AIPL1: variants seen among roughly 807,000 people sequenced by gnomAD.
AIPL1 encodes AIP like 1 HSP90 co-chaperone.
A neutral mutation model predicts 32.9 loss-of-function variants in AIPL1; 23 were observed. The ratio of observed to expected loss-of-function variants is 0.70; its 90% CI spans 0.50 to 0.99. The LOEUF is 0.99. Ranked by LOEUF, AIPL1 falls within the 50% of genes least tolerant of loss-of-function variation. The pLI is 0.00. For synonymous variants in AIPL1, 210 were observed against 209.4 expected (o/e 1.00, Z -0.02); for missense variants, 485 against 506.0 (o/e 0.96, Z 0.40).
chr17:6,426,504 G>T, intron 5 of AIPL1, 111 bp downstream of exon 5: 1 of 1,528,082 alleles, frequency 6.5e-7, no homozygotes, highest in Non-Finnish European at 8.8e-7. Context: ...GTGGAGACAA[G>T]GTTTGGTGCC....
intron 2 of AIPL1, among the ~76,000 whole-genome samples, chr17:6,430,456 CAAAA>C (rs1169701817): frequency 4.5e-5 from 2 of 44,514 alleles, no homozygotes; most frequent in African/African-American, 9.0e-5. Flanking sequence ...AAGTCCGTCT[CAAAA>C]AAAAAAAAAA....
rs116841036 is a variant in AIPL1, at chr17:6,429,166, C to G, written c.277-660G>C. ...CCAGCATGGGAGCTGAGTTTGCCAC[C>G]CTTGGGATGAAGGAGGGCTGGGAAG... On this transcript the variant is annotated intron_variant, in intron 2 of 5. Coordinates refer to ENST00000381129, the MANE Select transcript of AIPL1 (RefSeq NM_014336.5). 6.6e-3 allele frequency among the ~76,000 whole-genome samples: 1,000 copies of G among 152,270 alleles called. 8 individuals are homozygous for G. The highest frequency in any genetic ancestry group is 0.01 in the Non-Finnish European group (693 of 68,022).
At chr17:6,428,237 G>T in intron 3 of AIPL1, 81 bp downstream of exon 3, 1 of 1,500,174 alleles carries the variant, frequency 6.7e-7, no homozygotes, top group Non-Finnish European at 9.1e-7. Context: ...CCAGTGGCCA[G>T]TGGGGTGGGG....
intron 1 of AIPL1, 174 bp downstream of exon 1, chr17:6,434,835 C>A: frequency 8.3e-7 from 1 of 1,210,436 alleles, no homozygotes. Flanking sequence ...CTGCAAAGTA[C>A]CAAAAATGCC....
At chr17:6,427,207 G>A (rs1567637648) in intron 3 of AIPL1, 150 bp from the exon 4 acceptor site, 3 of 824,622 alleles carry the variant, frequency 3.6e-6, no homozygotes, top group East Asian at 5.3e-5. Flanking sequence ...CAACAACGCC[G>A]AAAACCCTGC....
In AIPL1 at chr17:6,428,426, G is replaced by A; in HGVS notation, c.357C>T (p.His119=). ...CGAACATGTTGGCCAGCCCGCACGT[G>A]TGCACGTGCCACTCTGTGGGGTCCT... The part of the protein sequence containing the change: ...QGKDPTEWHV[H]TCGLANMFAY... Residue 119 remains histidine, a synonymous_variant, in exon 3 of 6, where the codon CAC becomes CAT. Coordinates refer to ENST00000381129, the MANE Select transcript of AIPL1 (RefSeq NM_014336.5). The A allele has an allele frequency of 6.2e-7, 1 of 1,613,742 alleles. No homozygotes were observed. Among genetic ancestry groups the A allele is most frequent in the Non-Finnish European group, 8.5e-7 (1 of 1,180,044 alleles).
Position 6,426,956 on chromosome 17 carries a change from G to C in AIPL1, c.567C>G (p.Phe189Leu), listed in dbSNP as rs755976438. Residue 189 changes from phenylalanine (F) to leucine (L), a missense_variant, in exon 4 of 6, where the codon TTC (phenylalanine) becomes TTG (leucine). Transcript: ENST00000381129. ...AGGCCTCCTCGTAGCGGCCCAGCTT[G>C]AAGAGCCGATTTCCCTCTCCGTGGA... ...PVLHGEGNRL[F>L]KLGRYEEASS... 1 of 1,614,222 alleles carries C rather than the reference G, an allele frequency of 6.2e-7. No individual in the cohort carries two copies. The highest frequency in any genetic ancestry group is 1.1e-5 in the South Asian group (1 of 91,084).
chr17:6,426,144 G>A, intron 5 of AIPL1: 1 of 1,309,430 alleles, frequency 7.6e-7, no homozygotes, highest in Non-Finnish European at 9.7e-7. Context: ...TGGTGATTAT[G>A]AGGATTATGA....
chr17:6,426,789 G>C (rs2292545), intron 4 of AIPL1, 33 bp from the exon 5 acceptor site: 1 of 1,612,496 alleles, frequency 6.2e-7, no homozygotes, highest in Non-Finnish European at 8.5e-7. Context: ...ATGACCTCAG[G>C]CAGCTGCCCA....
At position 6,428,457 on chromosome 17, in the gene AIPL1, T is replaced by G; in HGVS notation, c.326A>C (p.Gln109Pro). 6.2e-7 allele frequency: 1 copy of G among 1,614,020 alleles called. No homozygotes were observed. Among genetic ancestry groups the G allele is most frequent in the Admixed American group, 1.7e-5 (1 of 60,026 alleles). Residue 109 changes from glutamine (Q) to proline (P), a missense_variant, in exon 3 of 6, where the codon CAG becomes CCG. Transcript: ENST00000381129. Reference protein sequence around the residue: ...ILSRSLRQMAQGKDPTEWHVH... With the variant: ...ILSRSLRQMAPGKDPTEWHVH... Reference sequence around the variant, plus strand: ...GTGCCACTCTGTGGGGTCCTTGCCCTGGGCCATCTGCCTCAGGCTCCGGGA... The same window carrying G: ...GTGCCACTCTGTGGGGTCCTTGCCCGGGGCCATCTGCCTCAGGCTCCGGGA...
chr17:6,427,201 A>C, intron 3 of AIPL1, 144 bp from the exon 4 acceptor site: 1 of 867,430 alleles, frequency 1.2e-6, no homozygotes, highest in Non-Finnish European at 1.8e-6. Flanking sequence ...AAGAAGCAAC[A>C]ACGCCGAAAA....
intron 2 of AIPL1, among the ~76,000 whole-genome samples, chr17:6,433,503 A>T (rs1413188059): frequency 1.3e-5 from 2 of 151,946 alleles, no homozygotes; most frequent in Non-Finnish European, 1.5e-5. Context: ...AAGTGGGAGG[A>T]TCACCTGAGC....
At chr17:6,427,298 C>T (rs1356679274) in intron 3 of AIPL1, among the ~76,000 whole-genome samples, 1 of 152,228 alleles carries the variant, frequency 6.6e-6, no homozygotes, top group East Asian at 1.9e-4. Context: ...AGAAAATTGT[C>T]ACGAATACTC....
chr17:6,429,646 T>C (rs957065950), intron 2 of AIPL1, among the ~76,000 whole-genome samples: 1 of 152,170 alleles, frequency 6.6e-6, no homozygotes, highest in Admixed American at 6.5e-5. Context: ...CTCACTTATT[T>C]ATGTCCTGGC....
At chr17:6,430,362 A>G (rs1912468351) in intron 2 of AIPL1, among the ~76,000 whole-genome samples, 1 of 149,420 alleles carries the variant, frequency 6.7e-6, no homozygotes. Flanking sequence ...AGGCTGAGGC[A>G]GGAGAATCGC....
At chr17:6,425,881 G>A in intron 5 of AIPL1, 51 bp from the exon 6 acceptor site, 15 of 1,582,834 alleles carry the variant, frequency 9.5e-6, no homozygotes, top group Non-Finnish European at 1.3e-5. Context: ...AGCCTCAGAG[G>A]CAGCCCCAGC....
At position 6,426,996 on chromosome 17, in the gene AIPL1, T is replaced by G. The variant is rs1449645795; in HGVS notation, c.527A>C (p.Lys176Thr). The G allele has an allele frequency of 6.2e-7, 1 of 1,614,204 alleles. No individual in the cohort carries two copies. Among genetic ancestry groups the G allele is most frequent in the Non-Finnish European group, 8.5e-7 (1 of 1,180,048 alleles). ...CTCTCCGTGGAGGACGGGCACCGCC[T>G]TCATCTTCTCATGATTGCTCAGGTT... ...TWNLSNHEKM[K>T]AVPVLHGEGN... Residue 176 changes from lysine to threonine, a missense_variant, in exon 4 of 6, where the codon AAG (lysine) becomes ACG (threonine). Lys to Thr is a moderately conservative substitution (Grantham distance 78). Coordinates refer to ENST00000381129, the MANE Select transcript of AIPL1 (RefSeq NM_014336.5).
Position 6,425,737 on chromosome 17 carries a change from A to G in AIPL1, c.878T>C (p.Leu293Pro). The G allele has an allele frequency of 6.2e-7, 1 of 1,607,712 alleles. No individual in the cohort carries two copies. Among genetic ancestry groups the G allele is most frequent in the Non-Finnish European group, 8.5e-7 (1 of 1,179,996 alleles). Reference protein sequence around the residue: ...AKADLQKVLELEPSMQKAVRR... With the variant: ...AKADLQKVLEPEPSMQKAVRR... ...CACCGCCTTCTGCATGGACGGCTCC[A>G]GCTCCAGCACTTTCTGGAGGTCCGC... Residue 293 changes from leucine to proline, a missense_variant, in exon 6 of 6, where the codon CTG (leucine) becomes CCG (proline). Transcript: ENST00000381129.
intron 3 of AIPL1, 108 bp from the exon 4 acceptor site, chr17:6,427,165 C>G: frequency 8.0e-7 from 1 of 1,250,554 alleles, no homozygotes; most frequent in East Asian, 2.4e-5. Flanking sequence ...GTCATGCTTG[C>G]TGGTCAAGTG....
Sources: allele counts gnomAD v4.1 joint callset (sites outside exome capture counted in the v4.1 genomes callset), GRCh38; gene constraint gnomAD v4.1.1; transcripts MANE v1.5; gene names NCBI Gene and HGNC (gene_info 2026-07-23, HGNC 2026-07-21).